The following DLG2 variants were observed in gnomAD, a reference collection of about 807,000 sequenced individuals.
DLG2 encodes the protein disks large homolog 2.
A neutral mutation model predicts 132.5 loss-of-function variants in DLG2; 45 were observed. The observed-to-expected ratio is 0.34, with a 90% confidence interval of 0.27 to 0.44. The LOEUF is 0.44. Among genes scored for constraint, DLG2 ranks in the 20% least tolerant of loss-of-function variants. The pLI is 1.00. For synonymous variants in DLG2, 424 were observed against 419.6 expected, an observed-to-expected ratio of 1.01 and a Z score of -0.13; for missense variants, 1,045 against 1,196.9, an observed-to-expected ratio of 0.87 and a Z score of 1.87.
chr11:84,841,133 T>C (rs899314746), intron 6 of DLG2, among the ~76,000 whole-genome samples: 1 of 151,908 alleles, frequency 6.6e-6, no homozygotes, highest in Non-Finnish European at 1.5e-5. Context: ...ACACCATTTA[T>C]GTAAAGCTTT....
intron 6 of DLG2, among the ~76,000 whole-genome samples, chr11:84,982,265 ATC>A (rs1265400656): frequency 6.6e-6 from 1 of 152,122 alleles, no homozygotes; most frequent in Non-Finnish European, 1.5e-5. Flanking sequence ...CCTGTGTAAC[ATC>A]TCTACTTAGC....
intron 18 of DLG2, among the ~76,000 whole-genome samples, chr11:83,758,760 A>G (rs1034986528): frequency 1.3e-5 from 2 of 152,296 alleles, no homozygotes; most frequent in Admixed American, 6.5e-5. Context: ...CACAGTTTCA[A>G]TCTTACTTTC....
At chr11:85,308,692 A>G (rs1188828412) in intron 3 of DLG2, among the ~76,000 whole-genome samples, 1 of 152,172 alleles carries the variant, frequency 6.6e-6, no homozygotes, top group African/African-American at 2.4e-5. Flanking sequence ...ATTATCTTCA[A>G]TTAAACTTTT....
intron 6 of DLG2, among the ~76,000 whole-genome samples, chr11:85,092,711 C>T (rs1052880630): frequency 4.0e-5 from 6 of 150,672 alleles, no homozygotes; most frequent in East Asian, 2.0e-4. Context: ...GACACGATCT[C>T]GGCTCACTAC....
At chr11:84,251,170 A>T (rs2097366889) in intron 8 of DLG2, 68 bp downstream of exon 8, 4 of 973,644 alleles carry the variant, frequency 4.1e-6, no homozygotes, top group Non-Finnish European at 6.0e-6. Flanking sequence ...ATGTGAATTG[A>T]ATTTAAATTC....
At chr11:85,028,094 G>A (rs2060688384) in intron 6 of DLG2, among the ~76,000 whole-genome samples, 1 of 152,188 alleles carries the variant, frequency 6.6e-6, no homozygotes, top group African/African-American at 2.4e-5. Context: ...CAGGCAGGTT[G>A]TCCTGAGAAG....
intron 10 of DLG2, among the ~76,000 whole-genome samples, chr11:84,074,674 G>A (rs1489342839): frequency 5.9e-5 from 9 of 151,766 alleles, no homozygotes; most frequent in South Asian, 2.1e-4. Context: ...GACTATAGGC[G>A]CCGGCCACCA....
chr11:84,175,486 C>T (rs926543801), intron 8 of DLG2, among the ~76,000 whole-genome samples: 3 of 152,050 alleles, frequency 2.0e-5, no homozygotes, highest in African/African-American at 7.2e-5. Context: ...TGTCAGTTTC[C>T]AAAGGCGTGA....
chr11:84,067,000 A>G (rs1354531621), intron 10 of DLG2, among the ~76,000 whole-genome samples: 2 of 152,210 alleles, frequency 1.3e-5, no homozygotes, highest in African/African-American at 4.8e-5. Flanking sequence ...ATGAAATTTT[A>G]AAAAACCACT....
At chr11:84,268,265 C>A (rs11233971) in intron 7 of DLG2, among the ~76,000 whole-genome samples, 3,320 of 152,212 alleles carry the variant, frequency 0.022, 51 homozygotes, top group Non-Finnish European at 0.037. Flanking sequence ...TCTTCCCTTG[C>A]TGCATTTACC....
chr11:85,081,854 T>C (rs1344431954), intron 6 of DLG2, among the ~76,000 whole-genome samples: 1 of 152,148 alleles, frequency 6.6e-6, no homozygotes, highest in Non-Finnish European at 1.5e-5. Context: ...AAAGAAATCA[T>C]CTGACCTTAC....
chr11:85,535,679 C>A (rs944147956), intron 3 of DLG2, among the ~76,000 whole-genome samples: 1 of 152,130 alleles, frequency 6.6e-6, no homozygotes, highest in Non-Finnish European at 1.5e-5. Flanking sequence ...AAAATCTGTA[C>A]ACAAATGTTC....
At chr11:83,724,977 C>T in intron 18 of DLG2, 1 of 699,352 alleles carries the variant, frequency 1.4e-6, no homozygotes. Flanking sequence ...GGCCAGCACA[C>T]ACCTCCTGAC....
At chr11:84,571,139 CATAA>C (rs2099482596) in intron 6 of DLG2, among the ~76,000 whole-genome samples, 1 of 151,962 alleles carries the variant, frequency 6.6e-6, no homozygotes, top group Admixed American at 6.6e-5. Flanking sequence ...CCTGTTTTTT[CATAA>C]ATACAGAGTT....
intron 19 of DLG2, among the ~76,000 whole-genome samples, chr11:83,585,536 C>T (rs2097069450): frequency 1.3e-5 from 2 of 152,174 alleles, no homozygotes; most frequent in African/African-American, 2.4e-5. Flanking sequence ...TATTATTGTT[C>T]ATTTCATTTA....
chr11:84,729,883 G>A (rs1413935353), intron 6 of DLG2, among the ~76,000 whole-genome samples: 1 of 151,934 alleles, frequency 6.6e-6, no homozygotes. Context: ...GGTAGAAGGA[G>A]TACACTCTTT....
At chr11:85,091,388 G>A (rs1015274253) in intron 6 of DLG2, among the ~76,000 whole-genome samples, 1 of 152,188 alleles carries the variant, frequency 6.6e-6, no homozygotes, top group African/African-American at 2.4e-5. Flanking sequence ...CAATGCTGAT[G>A]GCTGCTGATT....
intron 14 of DLG2, among the ~76,000 whole-genome samples, chr11:83,954,143 A>G (rs2154150074): frequency 1.3e-5 from 2 of 152,286 alleles, no homozygotes; most frequent in South Asian, 4.1e-4. Context: ...CCGGTTTTAA[A>G]TTTCTCATTA....
At chr11:85,124,882 G>A (rs899925715) in intron 5 of DLG2, among the ~76,000 whole-genome samples, 1 of 151,088 alleles carries the variant, frequency 6.6e-6, no homozygotes, top group African/African-American at 2.4e-5. Flanking sequence ...CCAGGCTGGA[G>A]TGCAGTGGCG....
Sources: gnomAD v4.1 joint callset for allele counts (sites outside exome capture counted in the v4.1 genomes callset) on GRCh38, gnomAD v4.1.1 for gene constraint, MANE v1.5 for transcripts, NCBI Gene and HGNC (gene_info 2026-07-23, HGNC 2026-07-21) for gene names.